Variants in THSD7B observed in about 807,000 individuals in gnomAD.
The protein encoded by THSD7B is thrombospondin type 1 domain containing 7B.
Under a neutral mutation model 213.6 loss-of-function variants are expected in THSD7B, and 138 were observed. That is an observed-to-expected ratio of 0.65 (90% CI 0.56 to 0.74). The LOEUF (loss-of-function observed/expected upper bound fraction) is 0.74. Among genes scored for constraint, THSD7B ranks in the 30% least tolerant of loss-of-function variants. THSD7B has a pLI of 0.00. For synonymous variants in THSD7B, 742 were observed against 687.0 expected (o/e 1.08, Z -1.25); for missense variants, 1,931 against 1,991.5 (o/e 0.97, Z 0.58).
intron 7 of THSD7B, among the ~76,000 whole-genome samples, chr2:137,225,184 C>T (rs913075832): frequency 6.6e-6 from 1 of 152,182 alleles, no homozygotes; most frequent in Non-Finnish European, 1.5e-5. Flanking sequence ...CTACTTGAGT[C>T]TTTACTTATG....
intron 10 of THSD7B, among the ~76,000 whole-genome samples, chr2:137,269,184 G>A (rs1199936170): frequency 2.6e-5 from 4 of 151,730 alleles, no homozygotes; most frequent in African/African-American, 7.3e-5. Flanking sequence ...TATGCAGTGT[G>A]GATCAGTTTC....
chr2:137,374,209 A>G (rs7585756), intron 12 of THSD7B, among the ~76,000 whole-genome samples: 1,554 of 152,120 alleles, frequency 0.01, 23 homozygotes, highest in African/African-American at 0.035. Flanking sequence ...TAAACACACA[A>G]TGGGATATTT....
intron 2 of THSD7B, among the ~76,000 whole-genome samples, chr2:136,890,636 T>G (rs1683835065): frequency 1.4e-5 from 2 of 147,244 alleles, no homozygotes; most frequent in African/African-American, 5.0e-5. Context: ...ACCTCCTGGG[T>G]TCAAGCGATT....
intron 21 of THSD7B, 36 bp downstream of exon 21, chr2:137,642,669 C>A: frequency 6.2e-7 from 1 of 1,607,418 alleles, no homozygotes; most frequent in Middle Eastern, 1.7e-4. Flanking sequence ...AAATATTCAT[C>A]AGTATATTCG....
chr2:136,933,438 G>T (rs1684667762), intron 2 of THSD7B, among the ~76,000 whole-genome samples: 1 of 152,138 alleles, frequency 6.6e-6, no homozygotes, highest in African/African-American at 2.4e-5. Context: ...AATTAGCTGG[G>T]CATGGTAGCT....
At position 137,170,663 on chromosome 2, in the gene THSD7B, A is replaced by G. The variant is rs150961401; in HGVS notation, c.1526-78A>G. On this transcript the variant is annotated intron_variant, in intron 6 of 27. Coordinates refer to ENST00000409968, the MANE Select transcript of THSD7B (RefSeq NM_001316349.2). ...GATGAGTACTTGAATAAAACTTTTC[A>G]TCTCTCACCCAGCTGCTTCTTTTCC... 3.0e-5 allele frequency: 44 copies of G among 1,443,288 alleles called. 1 individual carries two copies. In the East Asian group the frequency reaches 5.5e-4, roughly 18 times the overall value. The allele number at this position is 1,443,288 out of a possible 1,614,324, so 89.4% of individuals were successfully genotyped here.
At chr2:137,576,821 T>G (rs1291115209) in intron 17 of THSD7B, among the ~76,000 whole-genome samples, 1 of 142,798 alleles carries the variant, frequency 7.0e-6, no homozygotes, top group African/African-American at 2.5e-5. Context: ...TTAATGGTGC[T>G]CCAGTGTTAT....
At chr2:137,635,451 A>G (rs1382021077) in intron 20 of THSD7B, among the ~76,000 whole-genome samples, 1 of 152,112 alleles carries the variant, frequency 6.6e-6, no homozygotes, top group Non-Finnish European at 1.5e-5. Context: ...CTTCACTATT[A>G]CTCTGAGAAC....
chr2:137,428,342 A>G (rs759517737), intron 14 of THSD7B, among the ~76,000 whole-genome samples: 2 of 152,212 alleles, frequency 1.3e-5, no homozygotes, highest in African/African-American at 4.8e-5. Flanking sequence ...ATTCTCATAC[A>G]TTGCTCGTGA....
chr2:136,922,662 C>G (rs1474701846), intron 2 of THSD7B, among the ~76,000 whole-genome samples: 2 of 152,130 alleles, frequency 1.3e-5, no homozygotes, highest in Non-Finnish European at 2.9e-5. Context: ...CTACATTTAA[C>G]TTTTAAAGTA....
intron 2 of THSD7B, among the ~76,000 whole-genome samples, chr2:137,032,793 A>G (rs1686699433): frequency 6.6e-6 from 1 of 152,224 alleles, no homozygotes; most frequent in African/African-American, 2.4e-5. Flanking sequence ...GCATAAAAGT[A>G]TCATGTAATA....
At chr2:137,598,774 A>G (rs1682015260) in intron 17 of THSD7B, among the ~76,000 whole-genome samples, 1 of 152,056 alleles carries the variant, frequency 6.6e-6, no homozygotes, top group Non-Finnish European at 1.5e-5. Context: ...TGTCTGTGTA[A>G]CTCATAATTC....
At chr2:137,663,132 T>C (rs1011455038) in intron 25 of THSD7B, among the ~76,000 whole-genome samples, 1 of 151,488 alleles carries the variant, frequency 6.6e-6, no homozygotes, top group Non-Finnish European at 1.5e-5. Context: ...CAAAGAACTA[T>C]GGTTTAATAT....
intron 20 of THSD7B, among the ~76,000 whole-genome samples, chr2:137,626,190 C>T (rs924042631): frequency 2.0e-5 from 3 of 152,226 alleles, no homozygotes; most frequent in South Asian, 2.1e-4. Context: ...GGGCCAGGCG[C>T]GGTGGCTCAC....
chr2:137,377,965 T>G (rs1189962224), intron 12 of THSD7B, among the ~76,000 whole-genome samples: 1 of 152,176 alleles, frequency 6.6e-6, no homozygotes, highest in Admixed American at 6.6e-5. Context: ...TGACTTTTAG[T>G]GTATCCACAG....
At chr2:137,017,469 G>C (rs892045776) in intron 2 of THSD7B, among the ~76,000 whole-genome samples, 2 of 152,100 alleles carry the variant, frequency 1.3e-5, no homozygotes, top group African/African-American at 4.8e-5. Flanking sequence ...GGTTGAAAGA[G>C]GGCGGAGCTT....
intron 14 of THSD7B, among the ~76,000 whole-genome samples, chr2:137,432,263 T>G (rs1307700883): frequency 6.6e-6 from 1 of 152,086 alleles, no homozygotes; most frequent in Non-Finnish European, 1.5e-5. Flanking sequence ...TGGCAGTGTC[T>G]GCCTGTAATC....
intron 2 of THSD7B, among the ~76,000 whole-genome samples, chr2:136,887,611 C>T (rs766565367): frequency 2.0e-4 from 31 of 152,172 alleles, no homozygotes; most frequent in Non-Finnish European, 3.4e-4. Context: ...ATGTGACACA[C>T]TGGCTCTCCC....
At chr2:137,464,319 A>T (rs1687945478) in intron 15 of THSD7B, among the ~76,000 whole-genome samples, 1 of 152,108 alleles carries the variant, frequency 6.6e-6, no homozygotes, top group African/African-American at 2.4e-5. Context: ...TTCCAGAAAG[A>T]GTGCAGAATT....
Sources: allele counts gnomAD v4.1 joint callset (sites outside exome capture counted in the v4.1 genomes callset), GRCh38; gene constraint gnomAD v4.1.1; transcripts MANE v1.5; gene names NCBI Gene and HGNC (gene_info 2026-07-23, HGNC 2026-07-21).